The following GPC6 variants were observed in gnomAD, a reference collection of about 807,000 sequenced individuals.
GPC6 encodes the protein glypican 6, also known as glypican-6.
GPC6 carries 14 observed loss-of-function variants against 55.2 expected under a neutral mutation model. The observed-to-expected ratio is 0.25, with a 90% confidence interval of 0.17 to 0.40. The LOEUF is 0.40. Among genes scored for constraint, GPC6 ranks in the 10% least tolerant of loss-of-function variants. GPC6 has a pLI of 1.00. For missense variants in GPC6, 641 were observed against 708.5 expected, an observed-to-expected ratio of 0.90 and a Z score of 1.08; for synonymous variants, 278 against 259.6, an observed-to-expected ratio of 1.07 and a Z score of -0.68.
In GPC6 at chr13:93,992,436, A is replaced by G. The variant is rs143709079; in HGVS notation, c.712-35293A>G. 6.9e-3 allele frequency among the ~76,000 whole-genome samples: 1,045 copies of G among 152,282 alleles called. 10 individuals are homozygous for G. The highest frequency in any genetic ancestry group is 0.024 in the African/African-American group (1,001 of 41,568). On this transcript the variant is annotated intron_variant, in intron 3 of 8. Coordinates refer to ENST00000377047, the MANE Select transcript of GPC6 (RefSeq NM_005708.5). The stretch of plus-strand genomic sequence containing the variant: ...GGTCAATTTAATTGTGTACTTTATT[A>G]TAGAGGCAGGGCTTTTATATAACTT...
At chr13:93,499,780 G>T (rs1258588522) in intron 1 of GPC6, among the ~76,000 whole-genome samples, 1 of 152,148 alleles carries the variant, frequency 6.6e-6, no homozygotes, top group African/African-American at 2.4e-5. Context: ...CATTATTTAT[G>T]ATTCTTTCCT....
Position 94,105,926 on chromosome 13 carries a change from G to A in GPC6, c.877+78032G>A, listed in dbSNP as rs144756003. On this transcript the variant is annotated intron_variant, in intron 4 of 8. Transcript: ENST00000377047. ...CTACATTGAAAAGGGTAGCTCCCAC[G>A]ACCAAGAGTTATCCAGCTATCCTAC... 2.3e-3 allele frequency among the ~76,000 whole-genome samples: 349 copies of A among 151,660 alleles called. 1 individual carries two copies. Among genetic ancestry groups the A allele is most frequent in the African/African-American group, 8.2e-3 (338 of 41,304 alleles).
At chr13:93,550,850 G>A (rs1014964758) in intron 2 of GPC6, among the ~76,000 whole-genome samples, 1 of 152,088 alleles carries the variant, frequency 6.6e-6, no homozygotes, top group African/African-American at 2.4e-5. Flanking sequence ...CATAGAGAAG[G>A]CACTTAACCA....
At chr13:94,379,027 G>C (rs989450480) in intron 6 of GPC6, among the ~76,000 whole-genome samples, 5 of 151,908 alleles carry the variant, frequency 3.3e-5, no homozygotes, top group African/African-American at 4.8e-5. Flanking sequence ...TTAATTCACA[G>C]TTGTGTGCAC....
At chr13:94,366,101 T>C (rs1879277326) in intron 6 of GPC6, among the ~76,000 whole-genome samples, 1 of 152,190 alleles carries the variant, frequency 6.6e-6, no homozygotes, top group South Asian at 2.1e-4. Flanking sequence ...TGAATCACTG[T>C]GGTATGCCAA....
intron 4 of GPC6, among the ~76,000 whole-genome samples, chr13:94,189,253 T>C (rs1343211968): frequency 6.6e-6 from 1 of 152,084 alleles, no homozygotes; most frequent in African/African-American, 2.4e-5. Flanking sequence ...CTCTCCTCTG[T>C]ACAAAATGGG....
At chr13:94,113,724 T>A (rs1198175776) in intron 4 of GPC6, among the ~76,000 whole-genome samples, 1 of 151,944 alleles carries the variant, frequency 6.6e-6, no homozygotes, top group Non-Finnish European at 1.5e-5. Flanking sequence ...TGGCCTTTAT[T>A]AAACAGTGAC....
intron 3 of GPC6, among the ~76,000 whole-genome samples, chr13:94,016,269 T>C (rs1455095787): frequency 6.6e-6 from 1 of 152,250 alleles, no homozygotes; most frequent in Admixed American, 6.5e-5. Context: ...CCATATTTTT[T>C]CTCATTCATT....
chr13:93,896,153 C>T (rs573216206), intron 3 of GPC6, among the ~76,000 whole-genome samples: 1 of 152,030 alleles, frequency 6.6e-6, no homozygotes, highest in East Asian at 1.9e-4. Context: ...ATCACATGTA[C>T]CCCGATAAAT....
At chr13:94,292,227 A>G (rs1358730343) in intron 5 of GPC6, among the ~76,000 whole-genome samples, 3 of 150,694 alleles carry the variant, frequency 2.0e-5, no homozygotes, top group African/African-American at 4.9e-5. Flanking sequence ...AGAGCATCTG[A>G]TTCCAAAGCC....
intron 1 of GPC6, among the ~76,000 whole-genome samples, chr13:93,331,282 G>A (rs896088093): frequency 2.0e-5 from 3 of 151,978 alleles, no homozygotes; most frequent in Admixed American, 6.5e-5. Context: ...TCTGTCCTTC[G>A]AAAGGAATTG....
At chr13:94,096,039 TAAGC>T (rs1250456227) in intron 4 of GPC6, among the ~76,000 whole-genome samples, 1 of 152,122 alleles carries the variant, frequency 6.6e-6, no homozygotes, top group Non-Finnish European at 1.5e-5. Context: ...GTAGGGGAAA[TAAGC>T]AAAAGTTTTG....
intron 3 of GPC6, among the ~76,000 whole-genome samples, chr13:93,930,253 TAAAGGTTATTGGAAACGAAAGG>T (rs1878092355): frequency 3.5e-5 from 5 of 142,652 alleles, no homozygotes; most frequent in African/African-American, 1.3e-4. Flanking sequence ...GGAAGGTTTT[TAAAGGTTATTGGAAACGAAAGG>T]TTTTTTTTTT....
intron 1 of GPC6, among the ~76,000 whole-genome samples, chr13:93,421,320 T>C (rs1876914341): frequency 6.6e-6 from 1 of 152,170 alleles, no homozygotes; most frequent in African/African-American, 2.4e-5. Flanking sequence ...CCGTCATGTA[T>C]AAAGCAGTTG....
chr13:93,802,607 A>G (rs1393583495), intron 2 of GPC6, among the ~76,000 whole-genome samples: 1 of 151,990 alleles, frequency 6.6e-6, no homozygotes, highest in African/African-American at 2.4e-5. Context: ...GTCTCACTAC[A>G]TTGCCCAAGT....
intron 4 of GPC6, among the ~76,000 whole-genome samples, chr13:94,240,457 G>A (rs367767516): frequency 3.9e-5 from 6 of 152,076 alleles, no homozygotes; most frequent in South Asian, 2.1e-4. Flanking sequence ...GTCTAAAGCC[G>A]TAAGGATAAA....
chr13:94,265,595 C>G (rs997055895), intron 4 of GPC6, among the ~76,000 whole-genome samples: 1 of 152,106 alleles, frequency 6.6e-6, no homozygotes, highest in Non-Finnish European at 1.5e-5. Flanking sequence ...TCAACCCAAT[C>G]AAATTGACAC....
chr13:93,621,334 G>T (rs762267967), intron 2 of GPC6, among the ~76,000 whole-genome samples: 2 of 152,170 alleles, frequency 1.3e-5, no homozygotes, highest in Non-Finnish European at 2.9e-5. Context: ...AGGGCATGTA[G>T]AATGTTTTCT....
At chr13:93,354,654 G>A (rs112473620) in intron 1 of GPC6, among the ~76,000 whole-genome samples, 3,888 of 151,558 alleles carry the variant, frequency 0.026, 170 homozygotes, top group African/African-American at 0.087. Context: ...GTGAGCCACC[G>A]CACCCAGCCT....
Sources: allele counts gnomAD v4.1 joint callset (sites outside exome capture counted in the v4.1 genomes callset), GRCh38; gene constraint gnomAD v4.1.1; transcripts MANE v1.5; gene names NCBI Gene and HGNC (gene_info 2026-07-23, HGNC 2026-07-21).